The following TBCD variants were observed in gnomAD, a reference collection of about 807,000 sequenced individuals.
TBCD encodes the protein tubulin-specific chaperone D.
TBCD carries 105 observed loss-of-function variants against 169.3 expected under a neutral mutation model. The ratio of observed to expected loss-of-function variants is 0.62; its 90% CI spans 0.53 to 0.73. TBCD has a LOEUF of 0.73. Ranked by LOEUF, TBCD falls within the 30% of genes least tolerant of loss-of-function variation. TBCD has a pLI of 0.00. For missense variants in TBCD, 1,444 were observed against 1,600.1 expected (o/e 0.90, Z 1.66); for synonymous variants, 700 against 643.9 (o/e 1.09, Z -1.32).
At position 82,764,045 on chromosome 17, in the gene TBCD, CT is replaced by C. The variant is rs769816193; in HGVS notation, c.319del (p.Tyr107ThrfsTer23). ...CCTTGTACATCTGGCTTTTAAATTT[CT>C]TTACATCATCACCAAGGTAACATTT... ...ASLVHLAFKF[L>X]YIITKVRGYK... On this transcript the variant is annotated frameshift_variant, in exon 3 of 39. Coordinates refer to ENST00000355528, the MANE Select transcript of TBCD (RefSeq NM_005993.5). LOFTEE classifies it high-confidence loss of function. 1 of 1,613,578 alleles carries C rather than the reference CT, an allele frequency of 6.2e-7. No individual in the cohort carries two copies. Among genetic ancestry groups the C allele is most frequent in the Admixed American group, 1.7e-5 (1 of 59,988 alleles).
chr17:82,831,340 C>T lies in TBCD; in HGVS notation c.1318+16406C>T, dbSNP rs1260801017. On this transcript the variant is annotated intron_variant, in intron 13 of 38. Transcript: ENST00000355528. This position sits in a 1 kb window ranked among gnomAD's most constrained non-coding sequence, Gnocchi z 4.6. ...TGGACTTTCGAACTCGACGTGTTTT[C>T]TGTTGGGGTCCGAAGGGTTTAACCT... is the stretch of plus-strand genomic sequence containing the variant. 1.2e-6 allele frequency: 2 copies of T among 1,614,024 alleles called. No homozygotes were observed. Among genetic ancestry groups the T allele is most frequent in the Non-Finnish European group, 1.7e-6 (2 of 1,180,020 alleles).
rs774219082 is a variant in TBCD, at chr17:82,929,445, G to A, written c.2936G>A (p.Arg979His). 4.3e-6 allele frequency: 7 copies of A among 1,611,668 alleles called. No homozygotes were observed. The highest frequency in any genetic ancestry group is 2.2e-5 in the East Asian group (1 of 44,892). The change falls in exon 32 of 39, where the codon CGC becomes CAC. Residue 979 changes from arginine to histidine, a missense_variant. By Grantham distance (29) the Arg-to-His change is conservative. Transcript: ENST00000355528. ...ITQLLGLPTY[R>H]YHVLLGLVVS... ...CAGCTCCTTGGGCTGCCCACCTACCGCTACCACGTCCTGCTGGGGCTAGTC... is the reference window on the plus strand; with the variant it reads ...CAGCTCCTTGGGCTGCCCACCTACCACTACCACGTCCTGCTGGGGCTAGTC...
chr17:82,884,702 A>G lies in TBCD; in HGVS notation c.1533+500A>G, dbSNP rs547192643. On this transcript the variant is annotated intron_variant, in intron 15 of 38. Transcript: ENST00000355528. The surrounding 1 kb of genome is among the most constrained non-coding windows in gnomAD (Gnocchi z 4.2). ...AGGACCGGGTGCGTCTTGAACACAGATGGCTGGTTTCCTCTAGAGAGAGCC... is the reference window on the plus strand; with the variant it reads ...AGGACCGGGTGCGTCTTGAACACAGGTGGCTGGTTTCCTCTAGAGAGAGCC... 8 of 195,980 alleles carry G rather than the reference A, an allele frequency of 4.1e-5. No homozygotes were observed. The highest frequency in any genetic ancestry group is 1.4e-4 in the African/African-American group (6 of 44,140). 12.1% of individuals were successfully genotyped at this position (195,980 alleles called of 1,614,324 possible).
chr17:82,857,821 A>G (rs529539895), intron 13 of TBCD, among the ~76,000 whole-genome samples: 12 of 148,620 alleles, frequency 8.1e-5, no homozygotes, highest in Admixed American at 1.4e-4. Context: ...TTTAGGGTAC[A>G]TGTGCACATT....
intron 9 of TBCD, among the ~76,000 whole-genome samples, chr17:82,801,265 C>T (rs117777860): frequency 6.6e-6 from 1 of 152,304 alleles, no homozygotes; most frequent in East Asian, 1.9e-4. Flanking sequence ...CTTTTGTGTC[C>T]AGTGGTGATG....
intron 6 of TBCD, among the ~76,000 whole-genome samples, chr17:82,778,006 A>G (rs1003670953): frequency 2.7e-4 from 41 of 152,262 alleles, no homozygotes; most frequent in African/African-American, 9.6e-4. Context: ...TGGGCATAAC[A>G]GAAGGCTCGC....
rs1014448424 is a variant in TBCD, at chr17:82,874,321, C to G, written c.1475+3941C>G. On this transcript the variant is annotated intron_variant, in intron 14 of 38. Coordinates refer to ENST00000355528, the MANE Select transcript of TBCD (RefSeq NM_005993.5). The surrounding 1 kb of genome is among the most constrained non-coding windows in gnomAD (Gnocchi z 5.0). ...TTCTGGAGTAGCCTGGACTGCACAG[C>G]CAGGGCCTCCCCGGCATGTGGCGGG... Among the ~76,000 whole-genome samples the G allele has an allele frequency of 2.6e-5, 4 of 152,128 alleles. No individual in the cohort carries two copies. The highest frequency in any genetic ancestry group is 4.4e-5 in the Non-Finnish European group (3 of 68,010).
chr17:82,902,190 G>T (rs1460679715), intron 18 of TBCD, among the ~76,000 whole-genome samples: 1 of 152,222 alleles, frequency 6.6e-6, no homozygotes, highest in Non-Finnish European at 1.5e-5. Context: ...ATTGTCTCGT[G>T]TGAGATTTCT....
At chr17:82,893,441 T>C (rs763754751) in intron 16 of TBCD, 106 bp from the exon 17 acceptor site, 99 of 882,016 alleles carry the variant, frequency 1.1e-4, no homozygotes, top group Non-Finnish European at 1.6e-4. Context: ...GCCTCAGGGC[T>C]CGGGGTTCAT....
rs2060211340 is a variant in TBCD at position 82,905,857 on chromosome 17, G to T, written c.1805-79G>T. On this transcript the variant is annotated intron_variant, in intron 19 of 38. Coordinates refer to ENST00000355528, the MANE Select transcript of TBCD (RefSeq NM_005993.5). ...CGCCGTCGCCTGCCCTCCCGGCCCTGTGTGGGTGCGTGTGGGCTTCCCACA... is the reference window on the plus strand; with the variant it reads ...CGCCGTCGCCTGCCCTCCCGGCCCTTTGTGGGTGCGTGTGGGCTTCCCACA... 6.9e-6 allele frequency: 8 copies of T among 1,162,018 alleles called. No homozygotes were observed. In the South Asian group the frequency reaches 1.1e-4, roughly 16 times the overall value. The allele number at this position is 1,162,018 out of a possible 1,614,324, so 72.0% of individuals were successfully genotyped here. A position where few individuals can be genotyped will look rare whatever the true frequency, so the allele number is the denominator to read the frequency against.
At chr17:82,919,389 G>A (rs1345315397) in intron 23 of TBCD, among the ~76,000 whole-genome samples, 1 of 152,188 alleles carries the variant, frequency 6.6e-6, no homozygotes, top group East Asian at 1.9e-4. Context: ...TTGAAGAATA[G>A]ACCATGTGTA....
Position 82,884,258 on chromosome 17 carries a change from TC to T in TBCD, c.1533+59del, listed in dbSNP as rs2058575114. ...CTGAAGGTGGGGGGTGGGCCTGGTC[TC>T]CCTGATGCTCCTCTGTGCACTGCTG... is the stretch of plus-strand genomic sequence containing the variant. On this transcript the variant is annotated intron_variant, in intron 15 of 38. Transcript: ENST00000355528. The surrounding 1 kb of genome is among the most constrained non-coding windows in gnomAD (Gnocchi z 4.2). 2 of 1,470,320 alleles carry T rather than the reference TC, an allele frequency of 1.4e-6. No homozygotes were observed. The highest frequency in any genetic ancestry group is 1.9e-6 in the Non-Finnish European group (2 of 1,071,708). The allele number at this position is 1,470,320 out of a possible 1,614,324, so 91.1% of individuals were successfully genotyped here.
intron 5 of TBCD, among the ~76,000 whole-genome samples, chr17:82,768,895 C>G (rs2048161055): frequency 6.6e-6 from 1 of 152,058 alleles, no homozygotes; most frequent in Non-Finnish European, 1.5e-5. Flanking sequence ...ATAATAGATG[C>G]TCATTTGTAG....
chr17:82,854,420 C>T (rs144940721), intron 13 of TBCD, among the ~76,000 whole-genome samples: 2 of 152,364 alleles, frequency 1.3e-5, no homozygotes, highest in East Asian at 1.9e-4. Flanking sequence ...CGGACGCAGG[C>T]GCTGCAGGCT....
intron 13 of TBCD, among the ~76,000 whole-genome samples, chr17:82,850,707 T>G (rs1413193632): frequency 6.6e-6 from 1 of 152,234 alleles, no homozygotes; most frequent in African/African-American, 2.4e-5. Context: ...TGGCTGTGCA[T>G]GGACTGGTGA....
intron 13 of TBCD, among the ~76,000 whole-genome samples, chr17:82,843,682 G>A (rs971540897): frequency 1.7e-4 from 26 of 151,578 alleles, no homozygotes; most frequent in Admixed American, 1.5e-3. Flanking sequence ...ACATCAGTAT[G>A]CTTTGCCCCA....
rs140094975 is a variant in TBCD at position 82,802,111 on chromosome 17, C to T, written c.950+1115C>T. 5.4e-5 allele frequency among the ~76,000 whole-genome samples: 8 copies of T among 147,370 alleles called. No homozygotes were observed. The East Asian group carries it at 1.6e-3, about 30-fold the overall frequency. ...AGTGATGAGTCTGAATGACAGGCTC[C>T]CTTTCAAAGACTGTTGGAGAAAGTG... On this transcript the variant is annotated intron_variant, in intron 9 of 38. Transcript: ENST00000355528.
At chr17:82,911,886 C>G in intron 23 of TBCD, 97 bp downstream of exon 23, 9 of 1,298,950 alleles carry the variant, frequency 6.9e-6, no homozygotes, top group Non-Finnish European at 9.9e-6. Context: ...CATTAGCCCC[C>G]AGGGTGAAGG....
chr17:82,837,658 A>G (rs1420753462), intron 13 of TBCD, among the ~76,000 whole-genome samples: 1 of 152,154 alleles, frequency 6.6e-6, no homozygotes, highest in African/African-American at 2.4e-5. Context: ...GGAGGGTTTC[A>G]TCCTCCTCTC....
Sources: allele counts gnomAD v4.1 joint callset (sites outside exome capture counted in the v4.1 genomes callset), GRCh38; gene constraint gnomAD v4.1.1; non-coding constraint Gnocchi (gnomAD v3.1); transcripts MANE v1.5; gene names NCBI Gene and HGNC (gene_info 2026-07-23, HGNC 2026-07-21).